CLDN16: variants seen among roughly 807,000 people sequenced by gnomAD.
CLDN16 encodes the protein claudin 16.
CLDN16 carries 13 observed loss-of-function variants against 24.6 expected under a neutral mutation model. The ratio of observed to expected loss-of-function variants is 0.53; its 90% confidence interval spans 0.34 to 0.84. The LOEUF (loss-of-function observed/expected upper bound fraction) is 0.84, where lower values mean the gene tolerates loss of function less well. CLDN16 is among the 40% of genes least tolerant of loss of function. CLDN16 has a pLI of 0.01. For missense variants in CLDN16, 298 were observed against 292.7 expected (o/e 1.02, Z -0.13); for synonymous variants, 116 against 106.7 (o/e 1.09, Z -0.54).
upstream of CLDN16, among the ~76,000 whole-genome samples, chr3:190,386,918 T>C (rs183206427): frequency 7.9e-4 from 121 of 152,342 alleles, no homozygotes; most frequent in Non-Finnish European, 1.4e-3. Context: ...TTTAGCCTTT[T>C]ATACTGTATA....
intron 3 of CLDN16, 90 bp from the exon 4 acceptor site, chr3:190,408,224 C>A: frequency 1.6e-6 from 2 of 1,275,542 alleles, no homozygotes; most frequent in Non-Finnish European, 2.3e-6. Flanking sequence ...CTCTGAATCA[C>A]GCCAGCCATT....
rs186965043 is a variant in CLDN16 at position 190,375,094 on chromosome 3, C to A, written n.306+491C>A. ...TATCTTTTTATTTGTCTATCTCCTG[C>A]ACTTCATCCCTCATTTTTATTTATT... On this transcript the variant is annotated intron_variant and non_coding_transcript_variant, in intron 3 of 4. Transcript: ENST00000468220. Among the ~76,000 whole-genome samples, 6 of 152,074 alleles carry A rather than the reference C, an allele frequency of 3.9e-5. No homozygotes were observed. The East Asian group carries it at 1.2e-3, about 30-fold the overall frequency.
At chr3:190,310,141 A>T in the CLDN16 span, 1 of 1,587,742 alleles carries the variant, frequency 6.3e-7, no homozygotes, top group Non-Finnish European at 8.6e-7. Context: ...CTCAGAAAAC[A>T]AACTATTTTA....
chr3:190,359,180 A>C (rs1717837690), intron 1 of CLDN16, among the ~76,000 whole-genome samples: 1 of 152,084 alleles, frequency 6.6e-6, no homozygotes, highest in South Asian at 2.1e-4. Flanking sequence ...CATCTCCTGC[A>C]ACTGCAATCT....
chr3:190,332,273 A>C (rs1717196468), intron 1 of CLDN16, among the ~76,000 whole-genome samples: 1 of 152,224 alleles, frequency 6.6e-6, no homozygotes, highest in Non-Finnish European at 1.5e-5. Flanking sequence ...ATTGCAGATA[A>C]TTATTCACAT....
At chr3:190,311,396 AT>A in the CLDN16 span, among the ~76,000 whole-genome samples, 2 of 152,192 alleles carry the variant, frequency 1.3e-5, no homozygotes, top group Non-Finnish European at 2.9e-5. Context: ...GTCAATTTGT[AT>A]TTGGGTAAAC....
rs1422513150 is a variant in CLDN16, at chr3:190,388,448, G to T, written c.114+5G>T. ...AATGCTGATGACTCTCTGGAGGTAA[G>T]AAGATAGCAGCTTCTTTTCATGATC... On this transcript the variant is annotated splice_donor_5th_base_variant and intron_variant, in intron 1 of 4. Coordinates refer to ENST00000264734, the MANE Select transcript of CLDN16 (RefSeq NM_006580.4). 5 of 1,613,612 alleles carry T rather than the reference G, an allele frequency of 3.1e-6. No individual in the cohort carries two copies. The African/African-American group carries it at 6.7e-5, about 22-fold the overall frequency.
the CLDN16 span, among the ~76,000 whole-genome samples, chr3:190,315,285 G>C: frequency 1.3e-5 from 2 of 152,110 alleles, no homozygotes; most frequent in Admixed American, 1.3e-4. Context: ...AGTTTGCCTG[G>C]AACAGTCCTA....
At chr3:190,339,293 A>G (rs762167585) in intron 1 of CLDN16, among the ~76,000 whole-genome samples, 1 of 152,134 alleles carries the variant, frequency 6.6e-6, no homozygotes, top group Non-Finnish European at 1.5e-5. Flanking sequence ...ACTCAATTAC[A>G]TGTGGCAATG....
chr3:190,376,736 C>T (rs1718256102), intron 3 of CLDN16, among the ~76,000 whole-genome samples: 1 of 151,890 alleles, frequency 6.6e-6, no homozygotes, highest in Admixed American at 6.6e-5. Flanking sequence ...TAAAGAATTC[C>T]CATCCTGGTA....
At chr3:190,337,142 C>T (rs1351648436) in intron 1 of CLDN16, among the ~76,000 whole-genome samples, 7 of 152,110 alleles carry the variant, frequency 4.6e-5, no homozygotes, top group Non-Finnish European at 8.8e-5. Flanking sequence ...CTTGGTAAGT[C>T]CTGGAAGACA....
intron 1 of CLDN16, among the ~76,000 whole-genome samples, chr3:190,323,183 C>G (rs894678277): frequency 6.6e-6 from 1 of 152,118 alleles, no homozygotes; most frequent in Non-Finnish European, 1.5e-5. Context: ...GCAGCCCTTC[C>G]CCGCCAAACA....
At chr3:190,372,815 A>C (rs974726525) in intron 2 of CLDN16, among the ~76,000 whole-genome samples, 1 of 151,918 alleles carries the variant, frequency 6.6e-6, no homozygotes, top group East Asian at 1.9e-4. Context: ...TTTAAGTATC[A>C]AGGTCTTCCC....
At chr3:190,324,738 T>C (rs905678381) in intron 1 of CLDN16, among the ~76,000 whole-genome samples, 3 of 152,214 alleles carry the variant, frequency 2.0e-5, no homozygotes, top group African/African-American at 7.2e-5. Flanking sequence ...TTTGCTTCAC[T>C]GTGATTCAGG....
At chr3:190,296,939 T>G in the CLDN16 span, among the ~76,000 whole-genome samples, 1 of 152,172 alleles carries the variant, frequency 6.6e-6, no homozygotes, top group African/African-American at 2.4e-5. Context: ...CCAAAGATCT[T>G]GCTGCTAGAT....
chr3:190,343,072 T>C (rs1216738888), intron 1 of CLDN16, among the ~76,000 whole-genome samples: 1 of 152,070 alleles, frequency 6.6e-6, no homozygotes, highest in African/African-American at 2.4e-5. Context: ...AGAGAAAGGG[T>C]TAATATAAAA....
intron 1 of CLDN16, among the ~76,000 whole-genome samples, chr3:190,327,670 A>G (rs1190324624): frequency 6.6e-6 from 1 of 152,200 alleles, no homozygotes; most frequent in African/African-American, 2.4e-5. Flanking sequence ...GCAAATATTT[A>G]TCAGTTACCT....
At chr3:190,392,869 T>C (rs771466152) in intron 1 of CLDN16, among the ~76,000 whole-genome samples, 10 of 152,188 alleles carry the variant, frequency 6.6e-5, no homozygotes, top group Admixed American at 3.9e-4. Flanking sequence ...TCTTATACCA[T>C]AGGCAAGGGT....
At chr3:190,310,074 C>A in the CLDN16 span, 1 of 1,010,282 alleles carries the variant, frequency 9.9e-7, no homozygotes, top group African/African-American at 1.6e-5. Context: ...TTCTTGAAAG[C>A]AAATCTGGGA....
Sources: allele counts gnomAD v4.1 joint callset (sites outside exome capture counted in the v4.1 genomes callset), GRCh38; gene constraint gnomAD v4.1.1; transcripts MANE v1.5; gene names NCBI Gene and HGNC (gene_info 2026-07-23, HGNC 2026-07-21).